The following VKORC1L1 variants were observed in gnomAD, a reference collection of about 807,000 sequenced individuals.
VKORC1L1 encodes the protein vitamin K epoxide reductase complex subunit 1-like protein 1.
VKORC1L1 carries 2 observed loss-of-function variants against 18.9 expected under a neutral mutation model. The ratio of observed to expected loss-of-function variants is 0.11; its 90% CI spans 0.04 to 0.33. VKORC1L1 has a LOEUF of 0.33. Among genes scored for constraint, VKORC1L1 ranks in the 10% least tolerant of loss-of-function variants. The pLI is 1.00. For missense variants in VKORC1L1, 123 were observed against 224.1 expected (o/e 0.55, Z 2.88); for synonymous variants, 96 against 100.0 (o/e 0.96, Z 0.24).
intron 1 of VKORC1L1, among the ~76,000 whole-genome samples, chr7:65,927,019 G>C (rs1486006905): frequency 6.6e-6 from 1 of 152,150 alleles, no homozygotes; most frequent in Non-Finnish European, 1.5e-5. Flanking sequence ...AGGCATGGTG[G>C]CTCACGCCTG....
At chr7:65,914,186 T>C (rs915838000) in intron 1 of VKORC1L1, among the ~76,000 whole-genome samples, 8 of 152,162 alleles carry the variant, frequency 5.3e-5, no homozygotes, top group Non-Finnish European at 1.2e-4. Flanking sequence ...GGTGCAATCC[T>C]GGGCTCAAGC....
chr7:65,931,485 A>C (rs1789856647), intron 1 of VKORC1L1, among the ~76,000 whole-genome samples: 1 of 152,084 alleles, frequency 6.6e-6, no homozygotes, highest in Non-Finnish European at 1.5e-5. Flanking sequence ...CTAAGTTGTC[A>C]AATTTATGGG....
chr7:65,898,599 G>A (rs746804347), intron 1 of VKORC1L1, among the ~76,000 whole-genome samples: 3 of 152,198 alleles, frequency 2.0e-5, no homozygotes, highest in Non-Finnish European at 4.4e-5. Flanking sequence ...AACACTGGCT[G>A]TCTCTGAGGA....
At chr7:65,894,648 A>G (rs1211520774) in intron 1 of VKORC1L1, among the ~76,000 whole-genome samples, 3 of 152,234 alleles carry the variant, frequency 2.0e-5, no homozygotes, top group African/African-American at 7.2e-5. Context: ...GAATGGTGTG[A>G]ACCCGGGAGG....
intron 1 of VKORC1L1, among the ~76,000 whole-genome samples, chr7:65,892,373 T>G (rs1789123379): frequency 6.6e-6 from 1 of 152,194 alleles, no homozygotes; most frequent in Non-Finnish European, 1.5e-5. Flanking sequence ...ACATAGTGAT[T>G]GTACTAATTT....
chr7:65,916,197 G>T (rs932613012), intron 1 of VKORC1L1, among the ~76,000 whole-genome samples: 1 of 151,414 alleles, frequency 6.6e-6, no homozygotes, highest in African/African-American at 2.4e-5. Context: ...AGAGAAGGCA[G>T]GTTATGTGCC....
Position 65,953,102 on chromosome 7 carries a change from T to G in VKORC1L1, c.305-972T>G, listed in dbSNP as rs192495914. Among the ~76,000 whole-genome samples the G allele has an allele frequency of 2.7e-3, 415 of 152,230 alleles. 3 individuals are homozygous for G. Among genetic ancestry groups the G allele is most frequent in the African/African-American group, 9.3e-3 (387 of 41,544 alleles). ...ATGAGCCACTGTGCGTGGCTTCAGGTGCCTTTTTGTATTGAGAGCCTGGAT... is the reference window on the plus strand; with the variant it reads ...ATGAGCCACTGTGCGTGGCTTCAGGGGCCTTTTTGTATTGAGAGCCTGGAT... On this transcript the variant is annotated intron_variant, in intron 2 of 2. Coordinates refer to ENST00000360768, the MANE Select transcript of VKORC1L1 (RefSeq NM_173517.6).
intron 1 of VKORC1L1, among the ~76,000 whole-genome samples, chr7:65,917,161 C>T: frequency 6.6e-6 from 1 of 152,124 alleles, no homozygotes; most frequent in East Asian, 1.9e-4. Context: ...TGGTTACTTT[C>T]TCACAACTCT....
chr7:65,904,468 G>T (rs1475212733), intron 1 of VKORC1L1, among the ~76,000 whole-genome samples: 2 of 152,170 alleles, frequency 1.3e-5, no homozygotes, highest in Non-Finnish European at 2.9e-5. Context: ...GCCTCCCAAA[G>T]TGCTGGGATT....
intron 1 of VKORC1L1, among the ~76,000 whole-genome samples, chr7:65,880,450 C>T (rs1020641795): frequency 6.6e-5 from 10 of 151,620 alleles, no homozygotes; most frequent in Non-Finnish European, 1.5e-4. Flanking sequence ...GTGAGCTGTC[C>T]GGAAGACTTA....
At chr7:65,870,040 T>C, upstream of VKORC1L1, among the ~76,000 whole-genome samples, 1 of 151,962 alleles carries the variant, frequency 6.6e-6, no homozygotes, top group African/African-American at 2.4e-5. Flanking sequence ...TCCTTTTTAT[T>C]TGGGAAAAGA....
intron 1 of VKORC1L1, among the ~76,000 whole-genome samples, chr7:65,875,189 G>A (rs1010749454): frequency 4.6e-5 from 7 of 152,112 alleles, no homozygotes; most frequent in Non-Finnish European, 1.0e-4. Flanking sequence ...AATTTGATCA[G>A]CCTGTTTATA....
chr7:65,912,055 CAG>C (rs1302303013), intron 1 of VKORC1L1, among the ~76,000 whole-genome samples: 2 of 152,096 alleles, frequency 1.3e-5, no homozygotes, highest in African/African-American at 2.4e-5. Flanking sequence ...GCCTGGGAAA[CAG>C]AGGTTGCAGT....
intron 1 of VKORC1L1, among the ~76,000 whole-genome samples, chr7:65,893,262 A>T (rs2116365543): frequency 6.6e-6 from 1 of 152,248 alleles, no homozygotes; most frequent in South Asian, 2.1e-4. Context: ...TCCTGTTTGG[A>T]CCTGGTGTGG....
In VKORC1L1 at chr7:65,929,686, A is replaced by ATATATATATG. The variant is rs1191785432; in HGVS notation, c.195-18976_195-18975insGTATATATAT. 5.6e-4 allele frequency among the ~76,000 whole-genome samples: 82 copies of ATATATATATG among 145,866 alleles called. 1 individual carries two copies. Among genetic ancestry groups the ATATATATATG allele is most frequent in the African/African-American group, 2.0e-3 (80 of 40,070 alleles). On this transcript the variant is annotated intron_variant, in intron 1 of 2. Transcript: ENST00000360768. ...TGTGTGTGTATGTGTGTGTGTGTAT[A>ATATATATATG]TATATATATATATATATGGTTTTTT...
At chr7:65,924,922 C>T (rs972169863) in intron 1 of VKORC1L1, among the ~76,000 whole-genome samples, 3 of 152,098 alleles carry the variant, frequency 2.0e-5, no homozygotes, top group African/African-American at 7.2e-5. Context: ...TCTCCTGGTT[C>T]TCCCCCGCTT....
chr7:65,948,479 A>G (rs543676650), intron 1 of VKORC1L1, among the ~76,000 whole-genome samples, 192 bp from the exon 2 acceptor site: 1 of 118,658 alleles, frequency 8.4e-6, no homozygotes, highest in South Asian at 3.2e-4. Context: ...TTCATTTTAG[A>G]TGATTATTTC....
At position 65,923,733 on chromosome 7, in the gene VKORC1L1, A is replaced by G. The variant is rs562125885; in HGVS notation, c.195-24938A>G. Among the ~76,000 whole-genome samples the G allele has an allele frequency of 5.3e-5, 8 of 152,338 alleles. No individual in the cohort carries two copies. The South Asian group carries it at 1.4e-3, about 28-fold the overall frequency. ...AGCTGAATGGGCTGCAAGAGAATTC[A>G]TATTGTCAGGGAAGAGCGAAAGAAG... On this transcript the variant is annotated intron_variant, in intron 1 of 2. Coordinates refer to ENST00000360768, the MANE Select transcript of VKORC1L1 (RefSeq NM_173517.6).
At chr7:65,883,758 A>G (rs1202711022) in intron 1 of VKORC1L1, among the ~76,000 whole-genome samples, 1 of 152,062 alleles carries the variant, frequency 6.6e-6, no homozygotes, top group Non-Finnish European at 1.5e-5. Flanking sequence ...TCGGCCTCCC[A>G]AAGTGCTGGG....
Sources: gnomAD v4.1 joint callset for allele counts (sites outside exome capture counted in the v4.1 genomes callset) on GRCh38, gnomAD v4.1.1 for gene constraint, MANE v1.5 for transcripts, NCBI Gene and HGNC (gene_info 2026-07-23, HGNC 2026-07-21) for gene names.